UNC79: variants seen among roughly 807,000 people sequenced by gnomAD.
UNC79 encodes protein unc-79 homolog.
A neutral mutation model predicts 283.1 loss-of-function variants in UNC79; 37 were observed. The ratio of observed to expected loss-of-function variants is 0.13; its 90% CI spans 0.10 to 0.17. The LOEUF (loss-of-function observed/expected upper bound fraction) is 0.17. Ranked by LOEUF, UNC79 falls within the 10% of genes least tolerant of loss-of-function variation. The pLI is 1.00. For synonymous variants in UNC79, 1,107 were observed against 1,200.2 expected (o/e 0.92, Z 1.61); for missense variants, 2,272 against 3,211.1 (o/e 0.71, Z 7.07).
upstream of UNC79, among the ~76,000 whole-genome samples, chr14:93,427,394 A>T (rs8004985): frequency 0.061 from 9,302 of 152,230 alleles, 993 homozygotes; most frequent in African/African-American, 0.21. Context: ...TTTTAAAAAG[A>T]TATGTATAGT....
At chr14:93,349,357 C>G (rs1265506187) in intron 1 of UNC79, among the ~76,000 whole-genome samples, 1 of 152,100 alleles carries the variant, frequency 6.6e-6, no homozygotes, top group African/African-American at 2.4e-5. Flanking sequence ...CAAGACTGGC[C>G]GTCTGGTAGG....
intron 31 of UNC79, among the ~76,000 whole-genome samples, chr14:93,631,294 G>A (rs984278461): frequency 3.9e-5 from 6 of 152,108 alleles, no homozygotes; most frequent in African/African-American, 1.4e-4. Flanking sequence ...AATTTGAGTC[G>A]CCTCCATCAT....
intron 37 of UNC79, among the ~76,000 whole-genome samples, chr14:93,654,490 C>G (rs938795952): frequency 7.1e-6 from 1 of 140,240 alleles, no homozygotes; most frequent in Non-Finnish European, 1.5e-5. Context: ...ACATTACACT[C>G]CAATGGCTAC....
intron 5 of UNC79, among the ~76,000 whole-genome samples, chr14:93,495,207 A>G (rs971880745): frequency 1.3e-5 from 2 of 152,210 alleles, no homozygotes; most frequent in Non-Finnish European, 2.9e-5. Flanking sequence ...GAGACTGAGT[A>G]ATTTATAAAG....
chr14:93,585,108 C>A, intron 20 of UNC79, among the ~76,000 whole-genome samples: 1 of 152,238 alleles, frequency 6.6e-6, no homozygotes, highest in East Asian at 1.9e-4. Flanking sequence ...CCTGTGGCAG[C>A]TTTAGCCTCT....
intron 1 of UNC79, among the ~76,000 whole-genome samples, chr14:93,394,868 T>C (rs974817433): frequency 2.2e-4 from 34 of 152,128 alleles, no homozygotes; most frequent in African/African-American, 7.7e-4. Flanking sequence ...TGTGCCACCA[T>C]GCCTGGCTAA....
intron 40 of UNC79, among the ~76,000 whole-genome samples, chr14:93,666,327 A>G (rs1050869103): frequency 6.6e-6 from 1 of 152,148 alleles, no homozygotes; most frequent in Admixed American, 6.6e-5. Flanking sequence ...CACAATAAAT[A>G]TAAGTTTACT....
chr14:93,647,314 C>G (rs2069722378), intron 35 of UNC79, among the ~76,000 whole-genome samples: 1 of 152,114 alleles, frequency 6.6e-6, no homozygotes, highest in Non-Finnish European at 1.5e-5. Flanking sequence ...AATTAACCAA[C>G]AGGAAAACTG....
At chr14:93,357,922 T>C (rs2054144167) in intron 1 of UNC79, among the ~76,000 whole-genome samples, 1 of 35,456 alleles carries the variant, frequency 2.8e-5, no homozygotes, top group Non-Finnish European at 5.8e-5. Flanking sequence ...TATCCATATA[T>C]ATAGATATAT....
At chr14:93,635,459 T>C (rs1292473717) in intron 31 of UNC79, among the ~76,000 whole-genome samples, 1 of 152,266 alleles carries the variant, frequency 6.6e-6, no homozygotes, top group Non-Finnish European at 1.5e-5. Flanking sequence ...ATCGGACTCT[T>C]TTAGTATCGT....
intron 7 of UNC79, among the ~76,000 whole-genome samples, chr14:93,501,014 A>C (rs1412132479): frequency 6.6e-6 from 1 of 152,228 alleles, no homozygotes; most frequent in Non-Finnish European, 1.5e-5. Context: ...AGTGATTTAC[A>C]GCATTTCCTC....
In UNC79 at chr14:93,621,770, A is replaced by G; in HGVS notation, c.4537A>G (p.Thr1513Ala). The G allele has an allele frequency of 6.2e-7, 1 of 1,614,116 alleles. No individual in the cohort carries two copies. The highest frequency in any genetic ancestry group is 8.5e-7 in the Non-Finnish European group (1 of 1,179,972). ...AGGGAATGCAGACTCGCTTTTGTTTACATTAGACGAACATCGTAGGAAGTC... is the reference window on the plus strand; with the variant it reads ...AGGGAATGCAGACTCGCTTTTGTTTGCATTAGACGAACATCGTAGGAAGTC... Residue 1513 changes from threonine (T) to alanine (A), a missense_variant, in exon 30 of 49, where the codon ACA becomes GCA. Thr to Ala is a moderately conservative substitution (Grantham distance 58). Around this residue, in one of 11 missense-constraint regions of UNC79, gnomAD observed 580 missense variants for 632.2 expected, o/e 0.92. Coordinates refer to ENST00000555664, the Ensembl canonical transcript of UNC79. The surrounding 1 kb of genome is among the most constrained non-coding windows in gnomAD (Gnocchi z 4.8).
chr14:93,695,889 T>TCAAAAAA (rs2075066342), intron 47 of UNC79, among the ~76,000 whole-genome samples: 1 of 13,996 alleles, frequency 7.1e-5, no homozygotes. Flanking sequence ...AGACTTTGTC[T>TCAAAAAA]CAAAAAAAAA....
chr14:93,354,060 T>C (rs2054032419), intron 1 of UNC79, among the ~76,000 whole-genome samples: 3 of 152,060 alleles, frequency 2.0e-5, no homozygotes, highest in South Asian at 4.1e-4. Flanking sequence ...ACCTGAACGA[T>C]AAATAGATGA....
exon 32 of UNC79, chr14:93,637,227 C>A: frequency 7.8e-7 from 1 of 1,282,896 alleles, no homozygotes; most frequent in Non-Finnish European, 1.1e-6. Flanking sequence ...ACAGATACAG[C>A]CTGGGAAACG....
chr14:93,388,648 A>AT lies in UNC79; in HGVS notation c.-351+55133dup, dbSNP rs1491490601. Among the ~76,000 whole-genome samples the AT allele has an allele frequency of 7.2e-5, 11 of 152,046 alleles. 1 individual carries two copies. In the East Asian group the frequency reaches 1.2e-3, roughly 16 times the overall value. On this transcript the variant is annotated intron_variant, in intron 1 of 49. Transcript: ENST00000256339. ...TCAATAATGAATAGCATTGCTTAAC[A>AT]TTTTTTTTGTCAGTTTTATGAGTGA...
chr14:93,357,730 G>GATAT (rs1566889712), intron 1 of UNC79, among the ~76,000 whole-genome samples: 12 of 56,046 alleles, frequency 2.1e-4, no homozygotes, highest in African/African-American at 5.6e-4. Context: ...TGGATATATG[G>GATAT]ATGTATATAT....
At chr14:93,435,051 G>C (rs981751829) in intron 1 of UNC79, among the ~76,000 whole-genome samples, 4 of 152,136 alleles carry the variant, frequency 2.6e-5, no homozygotes, top group Non-Finnish European at 5.9e-5. Flanking sequence ...GAAATCAATA[G>C]ATAGTTTTCT....
chr14:93,546,004 T>C (rs2061581238), intron 14 of UNC79, among the ~76,000 whole-genome samples: 1 of 152,124 alleles, frequency 6.6e-6, no homozygotes, highest in Non-Finnish European at 1.5e-5. Context: ...GAGTTGATTA[T>C]GGGTGCGGAC....
Sources: allele counts gnomAD v4.1 joint callset (sites outside exome capture counted in the v4.1 genomes callset), GRCh38; gene constraint gnomAD v4.1.1; regional missense constraint gnomAD v4.1.1; non-coding constraint Gnocchi (gnomAD v3.1); transcripts MANE v1.5; gene names NCBI Gene and HGNC (gene_info 2026-07-23, HGNC 2026-07-21).